CAMK2D: variants seen among roughly 807,000 people sequenced by gnomAD.
CAMK2D encodes calcium/calmodulin-dependent protein kinase type II subunit delta.
CAMK2D carries 37 observed loss-of-function variants against 84.0 expected under a neutral mutation model. That is an observed-to-expected ratio of 0.44 (90% CI 0.34 to 0.58). CAMK2D has a LOEUF of 0.58. CAMK2D is among the 20% of genes least tolerant of loss of function. The probability of loss-of-function intolerance (pLI) is 0.02; values close to 1 mark genes in which losing one functional copy is unlikely to be tolerated. For synonymous variants in CAMK2D, 202 were observed against 212.5 expected (o/e 0.95, Z 0.43); for missense variants, 448 against 652.5 (o/e 0.69, Z 3.41).
intron 4 of CAMK2D, among the ~76,000 whole-genome samples, chr4:113,581,905 C>T (rs1174034246): frequency 6.6e-6 from 1 of 152,158 alleles, no homozygotes; most frequent in African/African-American, 2.4e-5. Flanking sequence ...AGCTAGGCCT[C>T]TGGGAAACTA....
intron 13 of CAMK2D, among the ~76,000 whole-genome samples, chr4:113,505,372 CT>C (rs1441803879): frequency 2.0e-5 from 3 of 152,204 alleles, no homozygotes; most frequent in Admixed American, 2.0e-4. Context: ...AAGTTGGATT[CT>C]GTTTCCAAGC....
Position 113,521,337 on chromosome 4 carries a change from G to C in CAMK2D, c.602-3680C>G, listed in dbSNP as rs923760800. The stretch of plus-strand genomic sequence containing the variant: ...CTCAATTGCCCCATCTTTGGCTAGT[G>C]CCAGCCTCCTCAAAGTGGTTCCTGC... On this transcript the variant is annotated intron_variant, in intron 8 of 20. Coordinates refer to ENST00000511664, the MANE Select transcript of CAMK2D (RefSeq NM_001321571.2). 3.9e-5 allele frequency among the ~76,000 whole-genome samples: 6 copies of C among 152,066 alleles called. No individual in the cohort carries two copies. The East Asian group carries it at 1.2e-3, about 29-fold the overall frequency.
At chr4:113,550,514 C>T (rs1445820357) in intron 5 of CAMK2D, among the ~76,000 whole-genome samples, 3 of 152,190 alleles carry the variant, frequency 2.0e-5, no homozygotes, top group Non-Finnish European at 4.4e-5. Flanking sequence ...AATGTTCCTT[C>T]TCTTTGATTT....
At position 113,465,161 on chromosome 4, in the gene CAMK2D, T is replaced by C. The variant is rs536177745; in HGVS notation, c.1211+368A>G. 4.4e-3 allele frequency among the ~76,000 whole-genome samples: 677 copies of C among 152,176 alleles called. 8 individuals carry two copies. Among genetic ancestry groups the C allele is most frequent in the African/African-American group, 0.016 (647 of 41,514 alleles). On this transcript the variant is annotated intron_variant, in intron 17 of 20. Coordinates refer to ENST00000511664, the MANE Select transcript of CAMK2D (RefSeq NM_001321571.2). ...GATCCTCCTGCCTCAGCCTCCCAAG[T>C]ATGTGGGACTACAGGTGTGCACCAC...
At chr4:113,471,698 C>T (rs1238359242) in intron 16 of CAMK2D, among the ~76,000 whole-genome samples, 1 of 152,126 alleles carries the variant, frequency 6.6e-6, no homozygotes, top group African/African-American at 2.4e-5. Flanking sequence ...TCGGAAGTTC[C>T]TGACCCTTCC....
intron 3 of CAMK2D, among the ~76,000 whole-genome samples, chr4:113,613,868 GTA>G (rs1013710346): frequency 2.0e-5 from 3 of 152,024 alleles, no homozygotes; most frequent in African/African-American, 4.8e-5. Flanking sequence ...AAAAAGGTGT[GTA>G]TGTGTGTGTG....
At chr4:113,675,178 T>G (rs766424858) in intron 2 of CAMK2D, among the ~76,000 whole-genome samples, 7 of 152,184 alleles carry the variant, frequency 4.6e-5, no homozygotes, top group Admixed American at 1.3e-4. Flanking sequence ...AAAATCTCAT[T>G]GTAAAACATG....
Position 113,512,850 on chromosome 4 carries a change from C to A in CAMK2D, c.946+478G>T, listed in dbSNP as rs549717359. On this transcript the variant is annotated intron_variant, in intron 12 of 20. Transcript: ENST00000511664. ...CCTCCCAAAGTGCTGGGATTACAGG[C>A]GTGAGCCACCACGCCCGGCCAATAA... is the stretch of plus-strand genomic sequence containing the variant. Among the ~76,000 whole-genome samples, 25 of 152,312 alleles carry A rather than the reference C, an allele frequency of 1.6e-4. No homozygotes were observed. The East Asian group carries it at 4.6e-3, about 28-fold the overall frequency.
intron 13 of CAMK2D, 82 bp from the exon 14 acceptor site, chr4:113,505,117 G>A (rs2098112698): frequency 1.4e-6 from 1 of 704,182 alleles, no homozygotes; most frequent in Non-Finnish European, 2.3e-6. Context: ...TGTCTACATA[G>A]AGATGTAGAC....
At chr4:113,539,839 T>C (rs1024593013) in intron 6 of CAMK2D, among the ~76,000 whole-genome samples, 1 of 152,150 alleles carries the variant, frequency 6.6e-6, no homozygotes, top group South Asian at 2.1e-4. Flanking sequence ...AAATACAGAA[T>C]TATATAACGA....
At chr4:113,633,972 A>G (rs1218567747) in intron 3 of CAMK2D, among the ~76,000 whole-genome samples, 1 of 152,218 alleles carries the variant, frequency 6.6e-6, no homozygotes, top group Non-Finnish European at 1.5e-5. Context: ...ATTATTGTGC[A>G]TGTTTTATTA....
intron 16 of CAMK2D, among the ~76,000 whole-genome samples, chr4:113,490,003 T>C (rs2097812112): frequency 6.6e-6 from 1 of 152,060 alleles, no homozygotes. Flanking sequence ...GTTTTTTTCT[T>C]GTAAATGTGT....
intron 3 of CAMK2D, among the ~76,000 whole-genome samples, chr4:113,657,990 G>A: frequency 6.6e-6 from 1 of 152,122 alleles, no homozygotes; most frequent in East Asian, 1.9e-4. Context: ...AGCAAATGCT[G>A]TTTTCCCTGT....
intron 2 of CAMK2D, among the ~76,000 whole-genome samples, chr4:113,667,839 G>A (rs999326098): frequency 6.6e-6 from 1 of 152,106 alleles, no homozygotes; most frequent in Non-Finnish European, 1.5e-5. Context: ...TCCTTCTGCT[G>A]CCCACTATGC....
At chr4:113,707,202 A>C (rs1292161155) in intron 2 of CAMK2D, among the ~76,000 whole-genome samples, 1 of 152,178 alleles carries the variant, frequency 6.6e-6, no homozygotes, top group African/African-American at 2.4e-5. Flanking sequence ...TTCTTATTTT[A>C]CTCATCACTG....
chr4:113,708,477 G>A (rs1471779824), intron 2 of CAMK2D, among the ~76,000 whole-genome samples: 1 of 152,110 alleles, frequency 6.6e-6, no homozygotes, highest in Non-Finnish European at 1.5e-5. Context: ...GCCACCTGTT[G>A]CCTGGTAACT....
chr4:113,568,427 T>G (rs1414972759), intron 4 of CAMK2D, among the ~76,000 whole-genome samples: 2 of 152,230 alleles, frequency 1.3e-5, no homozygotes, highest in Non-Finnish European at 2.9e-5. Context: ...TTTTAAGCTG[T>G]GTAATATTGC....
chr4:113,610,061 T>C (rs1423441696), intron 3 of CAMK2D, among the ~76,000 whole-genome samples: 2 of 152,176 alleles, frequency 1.3e-5, no homozygotes, highest in East Asian at 3.8e-4. Context: ...TTTTATTTTT[T>C]ACTTTTATTT....
At chr4:113,468,646 AG>A (rs1313737677) in intron 16 of CAMK2D, among the ~76,000 whole-genome samples, 9 of 152,172 alleles carry the variant, frequency 5.9e-5, no homozygotes, top group South Asian at 2.1e-4. Context: ...AGTGAGGTTG[AG>A]GAACAGTTAC....
Sources: gnomAD v4.1 joint callset for allele counts (sites outside exome capture counted in the v4.1 genomes callset) on GRCh38, gnomAD v4.1.1 for gene constraint, MANE v1.5 for transcripts, NCBI Gene and HGNC (gene_info 2026-07-23, HGNC 2026-07-21) for gene names.